ACYP2: variants seen among roughly 807,000 people sequenced by gnomAD.
The protein encoded by ACYP2 is acylphosphatase 2, also known as acylphosphatase-2.
Under a neutral mutation model 11.2 loss-of-function variants are expected in ACYP2, and 12 were observed. The ratio of observed to expected loss-of-function variants is 1.08; its 90% CI spans 0.69 to 1.74. The LOEUF is 1.74. Among genes scored for constraint, ACYP2 ranks in the 40% most tolerant of loss-of-function variants. ACYP2 has a pLI of 0.00. For synonymous variants in ACYP2, 43 were observed against 32.2 expected (o/e 1.33, Z -1.13); for missense variants, 134 against 101.9 (o/e 1.31, Z -1.35).
chr2:53,992,708 G>A (rs978300528), intron 2 of ACYP2, among the ~76,000 whole-genome samples: 2 of 151,692 alleles, frequency 1.3e-5, no homozygotes, highest in Non-Finnish European at 2.9e-5. Flanking sequence ...GTGTGCACCT[G>A]TAGTCCGAGC....
At chr2:54,014,955 A>T (rs764024567) in intron 2 of ACYP2, among the ~76,000 whole-genome samples, 1 of 151,974 alleles carries the variant, frequency 6.6e-6, no homozygotes, top group Non-Finnish European at 1.5e-5. Context: ...TTCTCTTTCT[A>T]CTTCAATATT....
rs1346535719 is a variant in ACYP2, at chr2:54,256,264, TTCAGTCTCGCGACACCCACCCC to T, written c.405-48408_405-48387del. ...CCTCGCCCATTTGCGCCGCCCACTCTTCAGTCTCGCGACACCCACCCCTCAGTCTCGCGACACTCACTCCTCA... is the reference window on the plus strand; with the variant it reads ...CCTCGCCCATTTGCGCCGCCCACTCTTCAGTCTCGCGACACTCACTCCTCA... On this transcript the variant is annotated intron_variant, in intron 6 of 6. Transcript: ENST00000607452. The T allele has an allele frequency of 2.1e-3, 2,672 of 1,259,672 alleles. 13 individuals are homozygous for T. Among genetic ancestry groups the T allele is most frequent in the African/African-American group, 4.6e-3 (306 of 66,638 alleles). 78.0% of individuals were successfully genotyped at this position (1,259,672 alleles called of 1,614,324 possible).
chr2:54,229,915 T>A (rs1204186044), intron 6 of ACYP2, among the ~76,000 whole-genome samples: 2 of 152,192 alleles, frequency 1.3e-5, no homozygotes, highest in African/African-American at 4.8e-5. Flanking sequence ...TTGTTATTAT[T>A]GAGGTCTAAG....
intron 6 of ACYP2, among the ~76,000 whole-genome samples, chr2:54,201,067 T>C (rs1366216351): frequency 6.6e-6 from 1 of 152,130 alleles, no homozygotes; most frequent in Non-Finnish European, 1.5e-5. Context: ...GAAATGTCTA[T>C]CCAGATTCTT....
intron 6 of ACYP2, among the ~76,000 whole-genome samples, chr2:54,279,180 C>T (rs181315882): frequency 2.0e-5 from 3 of 152,308 alleles, no homozygotes; most frequent in South Asian, 2.1e-4. Context: ...TGAAAGTCAT[C>T]GTGGAGATCG....
rs192821307 is a variant in ACYP2 at position 54,155,547 on chromosome 2, T to C, written c.404+16799T>C. Among the ~76,000 whole-genome samples, 318 of 152,252 alleles carry C rather than the reference T, an allele frequency of 2.1e-3. 3 individuals are homozygous for C. The highest frequency in any genetic ancestry group is 7.2e-3 in the African/African-American group (299 of 41,538). Reference sequence around the variant, plus strand: ...GAGTCTTATAGCAGAGCGAACCCTATTGTGAACTGCGCATGCGAGGGATAC... The same window carrying C: ...GAGTCTTATAGCAGAGCGAACCCTACTGTGAACTGCGCATGCGAGGGATAC... On this transcript the variant is annotated intron_variant, in intron 6 of 6. Coordinates refer to ENST00000607452, the MANE Select transcript of ACYP2 (RefSeq NM_001320586.2).
intron 2 of ACYP2, among the ~76,000 whole-genome samples, chr2:54,026,131 CAGAT>C (rs925306031): frequency 1.3e-5 from 2 of 152,128 alleles, no homozygotes; most frequent in African/African-American, 2.4e-5. Context: ...AACAAACAAA[CAGAT>C]AGACAATCCA....
intron 4 of ACYP2, among the ~76,000 whole-genome samples, chr2:54,125,341 T>C (rs1680425100): frequency 6.6e-6 from 1 of 152,222 alleles, no homozygotes; most frequent in Non-Finnish European, 1.5e-5. Context: ...ATCTTGCATG[T>C]TGAAATTCCA....
chr2:54,192,410 ATGT>A (rs1684275877), intron 6 of ACYP2, among the ~76,000 whole-genome samples: 1 of 152,178 alleles, frequency 6.6e-6, no homozygotes, highest in Non-Finnish European at 1.5e-5. Flanking sequence ...CACATATAAA[ATGT>A]TGTCAACCTT....
At chr2:53,989,916 T>G (rs1672204447) in intron 2 of ACYP2, among the ~76,000 whole-genome samples, 1 of 152,170 alleles carries the variant, frequency 6.6e-6, no homozygotes, top group Non-Finnish European at 1.5e-5. Context: ...CAGCCAATTG[T>G]TTGAGAATGT....
chr2:54,274,599 C>T (rs1226778550), intron 6 of ACYP2, among the ~76,000 whole-genome samples: 1 of 114,564 alleles, frequency 8.7e-6, no homozygotes, highest in Non-Finnish European at 1.6e-5. Context: ...TGCCCTCAGG[C>T]TGGGTGACAG....
chr2:54,068,592 C>G (rs1323465748), intron 4 of ACYP2, among the ~76,000 whole-genome samples: 1 of 152,190 alleles, frequency 6.6e-6, no homozygotes, highest in Non-Finnish European at 1.5e-5. Context: ...TTTTTCAGTT[C>G]TTCCCTCCAG....
At chr2:54,148,459 G>A (rs1264914462) in intron 6 of ACYP2, among the ~76,000 whole-genome samples, 1 of 152,200 alleles carries the variant, frequency 6.6e-6, no homozygotes, top group Non-Finnish European at 1.5e-5. Flanking sequence ...TGCCTGGCAT[G>A]TAGTAATAAT....
At chr2:54,302,028 T>C (rs1217006447) in intron 6 of ACYP2, among the ~76,000 whole-genome samples, 2 of 152,172 alleles carry the variant, frequency 1.3e-5, no homozygotes, top group African/African-American at 4.8e-5. Context: ...GTGGCATAGA[T>C]TCCTCCCAGG....
chr2:54,021,010 C>T (rs1362951174), intron 2 of ACYP2, among the ~76,000 whole-genome samples: 1 of 152,166 alleles, frequency 6.6e-6, no homozygotes, highest in Admixed American at 6.5e-5. Flanking sequence ...ACAGATGGAG[C>T]AATGGCGAGA....
intron 6 of ACYP2, among the ~76,000 whole-genome samples, chr2:54,185,606 A>G (rs1683948526): frequency 6.6e-6 from 1 of 152,210 alleles, no homozygotes; most frequent in Non-Finnish European, 1.5e-5. Flanking sequence ...TAGCAGTCTA[A>G]TTTAATACAG....
At chr2:54,109,161 A>G (rs1232941512) in intron 4 of ACYP2, among the ~76,000 whole-genome samples, 1 of 152,210 alleles carries the variant, frequency 6.6e-6, no homozygotes, top group Non-Finnish European at 1.5e-5. Context: ...ACGCCCATCA[A>G]TCAATGAGTA....
chr2:54,152,053 T>C (rs965581360), intron 6 of ACYP2, among the ~76,000 whole-genome samples: 5 of 151,718 alleles, frequency 3.3e-5, no homozygotes, highest in Non-Finnish European at 7.4e-5. Context: ...TTTGTTACAA[T>C]TGATGAGCCA....
At chr2:54,085,298 T>TGG (rs2103672078) in intron 4 of ACYP2, among the ~76,000 whole-genome samples, 1 of 152,282 alleles carries the variant, frequency 6.6e-6, no homozygotes, top group South Asian at 2.1e-4. Context: ...AGTGGGTGCT[T>TGG]GTGGGGGTGT....
Sources: allele counts gnomAD v4.1 joint callset (sites outside exome capture counted in the v4.1 genomes callset), GRCh38; gene constraint gnomAD v4.1.1; transcripts MANE v1.5; gene names NCBI Gene and HGNC (gene_info 2026-07-23, HGNC 2026-07-21).